SLX9: variants seen among roughly 807,000 people sequenced by gnomAD.
SLX9 encodes the protein ribosome biogenesis protein SLX9 homolog.
In SLX9, 19 loss-of-function variants were observed where a neutral mutation model predicts 20.8. The ratio of observed to expected loss-of-function variants is 0.91; its 90% CI spans 0.64 to 1.34. The LOEUF (loss-of-function observed/expected upper bound fraction) is 1.34, where lower values mean the gene tolerates loss of function less well. SLX9 is among the 40% of genes most tolerant of loss of function. SLX9 has a pLI of 0.00. For synonymous variants in SLX9, 113 were observed against 137.1 expected (o/e 0.82, Z 1.23); for missense variants, 299 against 322.2 (o/e 0.93, Z 0.55).
chr21:44,967,536 C>A (rs1307473544), intron 4 of SLX9, among the ~76,000 whole-genome samples: 1 of 152,182 alleles, frequency 6.6e-6, no homozygotes, highest in Non-Finnish European at 1.5e-5. Flanking sequence ...GCCTCCACCC[C>A]ACAGAGACCC....
At chr21:44,968,981 C>T in intron 4 of SLX9, 2 of 367,106 alleles carry the variant, frequency 5.4e-6, no homozygotes, top group South Asian at 4.2e-5. Flanking sequence ...TCTAGATCTC[C>T]TGACCTCGTG....
At position 44,971,273 on chromosome 21, in the gene SLX9, G is replaced by A. The variant is rs866774902; in HGVS notation, c.501-1924G>A. 4.6e-5 allele frequency among the ~76,000 whole-genome samples: 7 copies of A among 152,300 alleles called. No individual in the cohort carries two copies. In the South Asian group the frequency reaches 8.3e-4, roughly 18 times the overall value. On this transcript the variant is annotated intron_variant, in intron 4 of 5. Transcript: ENST00000291634. ...CGGAGTTAGGCTCCAATTCCTCCTC[G>A]GCTTCCTGCTGTTAGGCCTCGTGGA...
intron 2 of SLX9, among the ~76,000 whole-genome samples, chr21:44,946,659 G>T (rs766106448): frequency 1.3e-5 from 2 of 152,246 alleles, no homozygotes; most frequent in Non-Finnish European, 2.9e-5. Flanking sequence ...CTGTGGGAGG[G>T]GCGTTCTGAG....
chr21:44,976,334 G>C (rs2085261931), intron 5 of SLX9, among the ~76,000 whole-genome samples: 1 of 152,184 alleles, frequency 6.6e-6, no homozygotes, highest in Non-Finnish European at 1.5e-5. Context: ...GTTGCCCGTG[G>C]AGGGAGCCGT....
intron 2 of SLX9, among the ~76,000 whole-genome samples, chr21:44,947,255 G>T (rs917523976): frequency 2.0e-5 from 3 of 152,180 alleles, no homozygotes; most frequent in Non-Finnish European, 4.4e-5. Flanking sequence ...TCAATGACCC[G>T]CCTGGCTATG....
At chr21:44,963,375 C>CTTTTT in intron 3 of SLX9, among the ~76,000 whole-genome samples, 1 of 146,956 alleles carries the variant, frequency 6.8e-6, no homozygotes, top group Non-Finnish European at 1.5e-5. Context: ...GGCGTGAGAA[C>CTTTTT]TTTTTTTTTT....
chr21:44,961,759 A>G (rs372968333), intron 3 of SLX9, among the ~76,000 whole-genome samples: 3 of 152,128 alleles, frequency 2.0e-5, no homozygotes, highest in East Asian at 1.9e-4. Context: ...TTAATAACCA[A>G]TTCTACTCTT....
At chr21:44,971,117 G>A (rs2085136760) in intron 4 of SLX9, among the ~76,000 whole-genome samples, 1 of 151,906 alleles carries the variant, frequency 6.6e-6, no homozygotes, top group Non-Finnish European at 1.5e-5. Context: ...TGTCGGGAGG[G>A]GACCCCCCAT....
chr21:44,949,941 G>A (rs975372522), intron 2 of SLX9, among the ~76,000 whole-genome samples: 1 of 152,190 alleles, frequency 6.6e-6, no homozygotes, highest in African/African-American at 2.4e-5. Flanking sequence ...GGCCAGCAGA[G>A]GGCAGCAGAG....
At chr21:44,939,920 C>T (rs566857270), upstream of SLX9, 3,478 of 910,864 alleles carry the variant, frequency 3.8e-3, 26 homozygotes, top group Middle Eastern at 6.2e-3. Context: ...CGACCCTGCG[C>T]CCGCCCGAGC....
At chr21:44,949,627 C>T (rs909983085) in intron 2 of SLX9, among the ~76,000 whole-genome samples, 1 of 152,202 alleles carries the variant, frequency 6.6e-6, no homozygotes, top group Non-Finnish European at 1.5e-5. Context: ...CTCCGGCAGC[C>T]ACTCCTGCCG....
intron 2 of SLX9, among the ~76,000 whole-genome samples, chr21:44,947,944 G>A (rs888068522): frequency 6.6e-6 from 1 of 152,258 alleles, no homozygotes; most frequent in Non-Finnish European, 1.5e-5. Context: ...GTCCGCTCTG[G>A]GGGTGGCGAG....
At chr21:44,939,960 G>A, upstream of SLX9, 1 of 1,278,616 alleles carries the variant, frequency 7.8e-7, no homozygotes, top group South Asian at 1.9e-5. Flanking sequence ...CGGCCGCGGG[G>A]CTCCCGGCAG....
chr21:44,976,528 C>A, intron 5 of SLX9, 152 bp from the exon 6 acceptor site: 2 of 1,239,720 alleles, frequency 1.6e-6, no homozygotes, highest in Non-Finnish European at 2.2e-6. Context: ...CAGCCTCTCC[C>A]CTCCTGCCGG....
chr21:44,948,449 C>T (rs1378600283), intron 2 of SLX9, among the ~76,000 whole-genome samples: 2 of 152,168 alleles, frequency 1.3e-5, no homozygotes, highest in Non-Finnish European at 1.5e-5. Context: ...TCATGGAGCA[C>T]GCTTAGAATT....
intron 4 of SLX9, chr21:44,969,267 G>A (rs1346491825): frequency 8.7e-6 from 4 of 461,056 alleles, no homozygotes; most frequent in East Asian, 1.4e-4. Context: ...GAATAGGAGC[G>A]GCCGCCCGGA....
intron 3 of SLX9, among the ~76,000 whole-genome samples, chr21:44,964,363 T>C (rs2084996799): frequency 6.6e-6 from 1 of 152,194 alleles, no homozygotes; most frequent in African/African-American, 2.4e-5. Flanking sequence ...CCAATATGTG[T>C]TGAAATTTCC....
chr21:44,969,124 G>A (rs1430154962), intron 4 of SLX9: 2 of 469,180 alleles, frequency 4.3e-6, no homozygotes, highest in Non-Finnish European at 8.9e-6. Flanking sequence ...CAGGGGCTGT[G>A]TGCAGTGTCA....
chr21:44,954,574 G>A (rs1047121720), intron 2 of SLX9, among the ~76,000 whole-genome samples: 5 of 152,304 alleles, frequency 3.3e-5, no homozygotes, highest in East Asian at 1.9e-4. Flanking sequence ...TCAGGACTGC[G>A]GAGGTGGGCA....
Sources: gnomAD v4.1 joint callset for allele counts (sites outside exome capture counted in the v4.1 genomes callset) on GRCh38, gnomAD v4.1.1 for gene constraint, MANE v1.5 for transcripts, NCBI Gene and HGNC (gene_info 2026-07-23, HGNC 2026-07-21) for gene names.